INSYN2A: variants seen among roughly 807,000 people sequenced by gnomAD.
INSYN2A encodes inhibitory synaptic factor 2A.
INSYN2A carries 17 observed loss-of-function variants against 39.4 expected under a neutral mutation model. The ratio of observed to expected loss-of-function variants is 0.43; its 90% CI spans 0.30 to 0.65. The LOEUF is 0.65. INSYN2A is among the 30% of genes least tolerant of loss of function. INSYN2A has a pLI of 0.14. For missense variants in INSYN2A, 595 were observed against 631.2 expected (o/e 0.94, Z 0.61); for synonymous variants, 255 against 265.7 (o/e 0.96, Z 0.39).
chr10:127,155,789 G>A (rs769707762), intron 4 of INSYN2A, among the ~76,000 whole-genome samples: 1 of 152,100 alleles, frequency 6.6e-6, no homozygotes, highest in Non-Finnish European at 1.5e-5. Context: ...TAATTCTACT[G>A]GAGCTCGGCT....
intron 5 of INSYN2A, 66 bp downstream of exon 5, chr10:127,153,786 C>G (rs2052746486): frequency 7.9e-7 from 1 of 1,266,578 alleles, no homozygotes; most frequent in South Asian, 1.2e-5. Flanking sequence ...ATCGTTCTTG[C>G]ATTTGTGGGT....
At chr10:127,194,259 C>T (rs541628074) in intron 1 of INSYN2A, among the ~76,000 whole-genome samples, 3 of 152,274 alleles carry the variant, frequency 2.0e-5, no homozygotes, top group South Asian at 2.1e-4. Context: ...TAACCAAATG[C>T]GCCTCTAATA....
chr10:127,145,851 A>T, intron 5 of INSYN2A: 1 of 370,352 alleles, frequency 2.7e-6, no homozygotes, highest in Non-Finnish European at 5.3e-6. Flanking sequence ...CACGGAAACC[A>T]TTAGCTGCTT....
At chr10:127,179,984 G>A (rs1015905988) in intron 2 of INSYN2A, among the ~76,000 whole-genome samples, 7 of 152,292 alleles carry the variant, frequency 4.6e-5, no homozygotes, top group Admixed American at 2.6e-4. Context: ...CGAGGCACAC[G>A]ATTTTGGGAT....
At position 127,145,974 on chromosome 10, in the gene INSYN2A, C is replaced by A. The variant is rs550684754; in HGVS notation, c.1256+7878G>T. On this transcript the variant is annotated intron_variant, in intron 5 of 5. Coordinates refer to ENST00000522781, the MANE Select transcript of INSYN2A (RefSeq NM_001039762.3). ...AAGACGCCTATCTGTGAGGAAGAAC[C>A]TGCCCTGGGGACCCCGCACCCTGAA... 1.8e-4 allele frequency: 95 copies of A among 514,504 alleles called. 1 individual carries two copies. Among genetic ancestry groups the A allele is most frequent in the Non-Finnish European group, 3.3e-4 (84 of 258,012 alleles). 31.9% of individuals were successfully genotyped at this position (514,504 alleles called of 1,614,324 possible).
chr10:127,135,778 T>G lies in INSYN2A; in HGVS notation c.*2059A>C, dbSNP rs1157982046. On this transcript the variant is annotated 3_prime_UTR_variant, in exon 6 of 6. Coordinates refer to ENST00000522781, the MANE Select transcript of INSYN2A (RefSeq NM_001039762.3). ...CTGGTGTGAAACAGTGACATTATTTTGTGTACTAGGATGTCCTCTTGTTTA... is the reference window on the plus strand; with the variant it reads ...CTGGTGTGAAACAGTGACATTATTTGGTGTACTAGGATGTCCTCTTGTTTA... 2 of 152,682 alleles carry G rather than the reference T, an allele frequency of 1.3e-5. No individual in the cohort carries two copies. The highest frequency in any genetic ancestry group is 4.8e-5 in the African/African-American group (2 of 41,470). The allele number at this position is 152,682 out of a possible 1,614,324, so 9.5% of individuals were successfully genotyped here. A position where few individuals can be genotyped will look rare whatever the true frequency, so the allele number is the denominator to read the frequency against.
At position 127,136,478 on chromosome 10, in the gene INSYN2A, C is replaced by CAAAAAAAAAA. The variant is rs71831153; in HGVS notation, c.*1349_*1358dup. ...CAAACTATTCAAAATTTAAGTTGTA[C>CAAAAAAAAAA]AAAAAAAAAAAAAAAGGCAAAGTAA... On this transcript the variant is annotated 3_prime_UTR_variant, in exon 6 of 6. Coordinates refer to ENST00000522781, the MANE Select transcript of INSYN2A (RefSeq NM_001039762.3). The CAAAAAAAAAA allele has an allele frequency of 1.5e-5, 1 of 67,114 alleles. No individual in the cohort carries two copies. The allele number at this position is 67,114 out of a possible 1,614,324, so 4.2% of individuals were successfully genotyped here. A position where few individuals can be genotyped will look rare whatever the true frequency, so the allele number is the denominator to read the frequency against.
rs996734401 is a variant in INSYN2A at position 127,138,034 on chromosome 10, A to C, written c.1257-14T>G. 5 of 1,596,124 alleles carry C rather than the reference A, an allele frequency of 3.1e-6. No homozygotes were observed. Among genetic ancestry groups the C allele is most frequent in the Non-Finnish European group, 4.3e-6 (5 of 1,173,850 alleles). On this transcript the variant is annotated splice_polypyrimidine_tract_variant and intron_variant, in intron 5 of 5. Coordinates refer to ENST00000522781, the MANE Select transcript of INSYN2A (RefSeq NM_001039762.3). The stretch of plus-strand genomic sequence containing the variant: ...TCCAGCTCCACACTAGAAAAGAGAG[A>C]GAGTGAAGACTTTAGCATTTGATCT...
At chr10:127,194,111 T>C (rs2056935344) in intron 1 of INSYN2A, among the ~76,000 whole-genome samples, 1 of 152,248 alleles carries the variant, frequency 6.6e-6, no homozygotes, top group Non-Finnish European at 1.5e-5. Context: ...TTCATTTAGC[T>C]AAAGAAATTA....
Position 127,175,957 on chromosome 10 carries a change from C to G in INSYN2A, c.439G>C (p.Ala147Pro). The G allele has an allele frequency of 6.2e-7, 1 of 1,614,210 alleles. No homozygotes were observed. The highest frequency in any genetic ancestry group is 8.5e-7 in the Non-Finnish European group (1 of 1,180,036). ...KSQNNGFLTD[A>P]KEKNEAGPME... ...GGTCCAGCCTCGTTCTTCTCTTTCG[C>G]ATCTGTTAGAAACCCATTGTTTTGG... The change falls in exon 4 of 6, where the codon GCG (alanine) becomes CCG (proline). Residue 147 changes from alanine to proline, a missense_variant. This residue lies in a region of INSYN2A where 478 missense variants were observed against 467.4 expected (regional missense o/e 1.02). Transcript: ENST00000522781. The surrounding 1 kb of genome is among the most constrained non-coding windows in gnomAD (Gnocchi z 6.3).
At chr10:127,169,500 T>C (rs1041993808) in intron 4 of INSYN2A, among the ~76,000 whole-genome samples, 6 of 152,222 alleles carry the variant, frequency 3.9e-5, no homozygotes, top group Admixed American at 3.9e-4. Context: ...GTCACTGTAT[T>C]TACAAACCAT....
chr10:127,161,793 G>A (rs566229313), intron 4 of INSYN2A, among the ~76,000 whole-genome samples: 32 of 152,246 alleles, frequency 2.1e-4, no homozygotes, highest in South Asian at 1.5e-3. Context: ...TTCTTTGTTC[G>A]CCAGTCACAG....
Position 127,156,717 on chromosome 10 carries a change from C to G in INSYN2A, c.1185-2794G>C, listed in dbSNP as rs562275273. Reference sequence around the variant, plus strand: ...CCGAGTAGCTGGGATTACAGGCATACGCCACCACTCCCGGCTAATTTTGTA... The same window carrying G: ...CCGAGTAGCTGGGATTACAGGCATAGGCCACCACTCCCGGCTAATTTTGTA... On this transcript the variant is annotated intron_variant, in intron 4 of 5. Coordinates refer to ENST00000522781, the MANE Select transcript of INSYN2A (RefSeq NM_001039762.3). Among the ~76,000 whole-genome samples, 5 of 151,980 alleles carry G rather than the reference C, an allele frequency of 3.3e-5. No homozygotes were observed. In the East Asian group the frequency reaches 9.8e-4, roughly 30 times the overall value.
chr10:127,165,330 T>A (rs115118609), intron 4 of INSYN2A, among the ~76,000 whole-genome samples: 67 of 152,340 alleles, frequency 4.4e-4, no homozygotes, highest in African/African-American at 1.3e-3. Flanking sequence ...CATTTGCTTT[T>A]TAAACAAATG....
chr10:127,177,394 G>A (rs1467656871), intron 2 of INSYN2A, among the ~76,000 whole-genome samples: 4 of 152,260 alleles, frequency 2.6e-5, no homozygotes, highest in Admixed American at 6.5e-5. Context: ...TTATTAGGCG[G>A]ATTCACAGCT....
At chr10:127,146,853 G>A (rs2051909799) in intron 5 of INSYN2A, among the ~76,000 whole-genome samples, 1 of 152,182 alleles carries the variant, frequency 6.6e-6, no homozygotes, top group Non-Finnish European at 1.5e-5. Flanking sequence ...GCATACAAAT[G>A]CAATTACCAC....
At chr10:127,191,922 G>A (rs866012571) in intron 2 of INSYN2A, among the ~76,000 whole-genome samples, 7 of 152,208 alleles carry the variant, frequency 4.6e-5, no homozygotes, top group South Asian at 2.1e-4. Flanking sequence ...TCAGCATTCC[G>A]TAGCCTCCTT....
Position 127,175,268 on chromosome 10 carries a change from G to T in INSYN2A, c.1128C>A (p.Ile376=). 1 of 1,614,068 alleles carries T rather than the reference G, an allele frequency of 6.2e-7. No individual in the cohort carries two copies. The highest frequency in any genetic ancestry group is 2.2e-5 in the East Asian group (1 of 44,878). The change falls in exon 4 of 6, where the codon ATC becomes ATA. Residue 376 remains isoleucine, a synonymous_variant. Coordinates refer to ENST00000522781, the MANE Select transcript of INSYN2A (RefSeq NM_001039762.3). The surrounding 1 kb of genome is among the most constrained non-coding windows in gnomAD (Gnocchi z 6.3). ...CCTGAATGACCCCCAAGAGCACTTT[G>T]ATGGTTTCTTGGCTTGAACTGATCA... ...ENLISSSQET[I]KVLLGVIQEL...
intron 5 of INSYN2A, among the ~76,000 whole-genome samples, chr10:127,138,271 T>A (rs997288005): frequency 6.6e-6 from 1 of 152,202 alleles, no homozygotes; most frequent in Non-Finnish European, 1.5e-5. Context: ...ATGTGCACAG[T>A]TGGTGTATGT....
Sources: allele counts gnomAD v4.1 joint callset (sites outside exome capture counted in the v4.1 genomes callset), GRCh38; gene constraint gnomAD v4.1.1; regional missense constraint gnomAD v4.1.1; non-coding constraint Gnocchi (gnomAD v3.1); transcripts MANE v1.5; gene names NCBI Gene and HGNC (gene_info 2026-07-23, HGNC 2026-07-21).